SLC41A3: variants seen among roughly 807,000 people sequenced by gnomAD.
SLC41A3 encodes the protein solute carrier family 41 member 3, also known as SLC41A1-like 2.
SLC41A3 carries 44 observed loss-of-function variants against 45.4 expected under a neutral mutation model. The observed-to-expected ratio is 0.97, with a 90% confidence interval of 0.76 to 1.25. The LOEUF (loss-of-function observed/expected upper bound fraction) is 1.25, where lower values mean the gene tolerates loss of function less well. Ranked by LOEUF, SLC41A3 falls within the 50% of genes most tolerant of loss-of-function variation. The pLI is 0.00. For synonymous variants in SLC41A3, 256 were observed against 252.4 expected (o/e 1.01, Z -0.13); for missense variants, 550 against 600.6 (o/e 0.92, Z 0.88).
chr3:126,076,575 T>C (rs1021896724), intron 1 of SLC41A3, among the ~76,000 whole-genome samples: 3 of 152,186 alleles, frequency 2.0e-5, no homozygotes, highest in Non-Finnish European at 4.4e-5. Context: ...AAAAAAATTA[T>C]GAATCATTTA....
intron 1 of SLC41A3, among the ~76,000 whole-genome samples, chr3:126,096,094 AAAAC>A (rs1945594305): frequency 6.6e-6 from 1 of 152,254 alleles, no homozygotes; most frequent in Non-Finnish European, 1.5e-5. Context: ...CAAAATTAAA[AAAAC>A]AAATATTTAA....
chr3:126,077,982 C>T (rs1421757756), intron 1 of SLC41A3, among the ~76,000 whole-genome samples: 4 of 152,298 alleles, frequency 2.6e-5, no homozygotes, highest in Admixed American at 1.3e-4. Flanking sequence ...TGGGCCCAGG[C>T]GGCACCGGTG....
At chr3:126,092,135 C>T (rs1314890294) in intron 1 of SLC41A3, among the ~76,000 whole-genome samples, 1 of 152,162 alleles carries the variant, frequency 6.6e-6, no homozygotes, top group Non-Finnish European at 1.5e-5. Flanking sequence ...ATAAACTGGC[C>T]CCAAAAGTGG....
chr3:126,016,502 A>G (rs1036769814), intron 7 of SLC41A3, among the ~76,000 whole-genome samples: 1 of 152,256 alleles, frequency 6.6e-6, no homozygotes, highest in African/African-American at 2.4e-5. Context: ...GCTCTGGCAA[A>G]TGTAAACAGG....
intron 4 of SLC41A3, among the ~76,000 whole-genome samples, chr3:126,030,035 T>C (rs1465516378): frequency 1.4e-5 from 2 of 147,036 alleles, no homozygotes; most frequent in Non-Finnish European, 3.0e-5. Flanking sequence ...CTTCATACCA[T>C]TCACACACAT....
intron 2 of SLC41A3, among the ~76,000 whole-genome samples, chr3:126,051,336 T>A (rs1208639760): frequency 6.6e-6 from 1 of 152,156 alleles, no homozygotes; most frequent in Admixed American, 6.5e-5. Flanking sequence ...GCACCATGGG[T>A]TCTCTAGAGG....
chr3:126,082,642 G>A (rs1183610793), intron 1 of SLC41A3, among the ~76,000 whole-genome samples: 8 of 152,166 alleles, frequency 5.3e-5, no homozygotes, highest in Admixed American at 1.3e-4. Flanking sequence ...AGGAGGAAAC[G>A]GACACTCTGT....
chr3:126,073,984 T>C (rs1944756141), intron 1 of SLC41A3, among the ~76,000 whole-genome samples: 1 of 152,116 alleles, frequency 6.6e-6, no homozygotes, highest in African/African-American at 2.4e-5. Flanking sequence ...CAAAGACTTT[T>C]ACAATATAAC....
At chr3:126,021,475 C>T (rs947349273) in intron 6 of SLC41A3, among the ~76,000 whole-genome samples, 1 of 152,166 alleles carries the variant, frequency 6.6e-6, no homozygotes, top group Non-Finnish European at 1.5e-5. Context: ...CTTGCTAATT[C>T]CAGGTGTCTT....
intron 1 of SLC41A3, among the ~76,000 whole-genome samples, chr3:126,081,889 G>C (rs1174195099): frequency 1.3e-5 from 2 of 152,272 alleles, no homozygotes; most frequent in Non-Finnish European, 2.9e-5. Context: ...GCAAACACCA[G>C]AGCGGCAGGT....
chr3:126,077,515 GT>G (rs936832308), intron 1 of SLC41A3, among the ~76,000 whole-genome samples: 48 of 151,968 alleles, frequency 3.2e-4, no homozygotes, highest in Admixed American at 7.9e-4. Context: ...CACACTCACT[GT>G]TTTTTTTAAT....
intron 1 of SLC41A3, among the ~76,000 whole-genome samples, chr3:126,101,142 C>T (rs560304401): frequency 2.0e-5 from 3 of 152,330 alleles, no homozygotes; most frequent in East Asian, 3.9e-4. Flanking sequence ...GGGCAATGCC[C>T]ATCGCCGTGT....
intron 2 of SLC41A3, chr3:126,057,184 G>T (rs1158421687): frequency 1.0e-6 from 1 of 984,950 alleles, no homozygotes; most frequent in Non-Finnish European, 1.2e-6. Flanking sequence ...GCCACGCCCT[G>T]GGTCATCTCA....
At chr3:126,060,122 A>T (rs1020714065) in intron 2 of SLC41A3, among the ~76,000 whole-genome samples, 1 of 152,258 alleles carries the variant, frequency 6.6e-6, no homozygotes, top group Admixed American at 6.5e-5. Context: ...AAATCTGTTT[A>T]AAAATTGAGT....
intron 3 of SLC41A3, among the ~76,000 whole-genome samples, chr3:126,048,986 T>C (rs576262460): frequency 5.3e-5 from 8 of 152,306 alleles, no homozygotes; most frequent in Non-Finnish European, 8.8e-5. Flanking sequence ...CTGCTCTCCT[T>C]TGACAGACTG....
chr3:126,032,096 C>T (rs1941838146), intron 4 of SLC41A3, among the ~76,000 whole-genome samples: 1 of 152,098 alleles, frequency 6.6e-6, no homozygotes, highest in South Asian at 2.1e-4. Context: ...AAGGACCTTC[C>T]CAGGAGAGGT....
intron 8 of SLC41A3, among the ~76,000 whole-genome samples, chr3:126,014,395 G>A (rs1023931714): frequency 6.6e-6 from 1 of 152,152 alleles, no homozygotes; most frequent in Non-Finnish European, 1.5e-5. Context: ...GCAACTACTG[G>A]CTGGAGCTGG....
chr3:126,062,361 C>T (rs1944114667), intron 2 of SLC41A3, among the ~76,000 whole-genome samples: 1 of 152,222 alleles, frequency 6.6e-6, no homozygotes, highest in Non-Finnish European at 1.5e-5. Flanking sequence ...GCCTCTCAGA[C>T]ACAGTTGGCC....
At chr3:126,031,940 A>T (rs1941825216) in intron 4 of SLC41A3, among the ~76,000 whole-genome samples, 1 of 152,244 alleles carries the variant, frequency 6.6e-6, no homozygotes, top group Non-Finnish European at 1.5e-5. Flanking sequence ...ACATGTAAAC[A>T]CACAACTACA....
Sources: allele counts gnomAD v4.1 joint callset (sites outside exome capture counted in the v4.1 genomes callset), GRCh38; gene constraint gnomAD v4.1.1; transcripts MANE v1.5; gene names NCBI Gene and HGNC (gene_info 2026-07-23, HGNC 2026-07-21).